The following LAMA2 variants were observed in gnomAD, a reference collection of about 807,000 sequenced individuals.
LAMA2 encodes the protein laminin subunit alpha-2.
LAMA2 carries 269 observed loss-of-function variants against 364.8 expected under a neutral mutation model. The ratio of observed to expected loss-of-function variants is 0.74; its 90% CI spans 0.67 to 0.82. The LOEUF is 0.82. Ranked by LOEUF, LAMA2 falls within the 40% of genes least tolerant of loss-of-function variation. The pLI, the probability that LAMA2 is intolerant of heterozygous loss-of-function variation, is 0.00. For synonymous variants in LAMA2, 1,379 were observed against 1,370.6 expected, an observed-to-expected ratio of 1.01 and a Z score of -0.14; for missense variants, 3,807 against 3,873.2, an observed-to-expected ratio of 0.98 and a Z score of 0.45.
At chr6:129,238,421 C>T (rs867507131) in intron 12 of LAMA2, among the ~76,000 whole-genome samples, 9 of 152,098 alleles carry the variant, frequency 5.9e-5, no homozygotes, top group Non-Finnish European at 8.8e-5. Flanking sequence ...CATAACATAA[C>T]GTATAATTCA....
intron 32 of LAMA2, among the ~76,000 whole-genome samples, chr6:129,354,128 A>T (rs898446218): frequency 2.6e-5 from 4 of 152,160 alleles, no homozygotes; most frequent in African/African-American, 4.8e-5. Flanking sequence ...ACATTTACCT[A>T]TTGTAATAGT....
intron 50 of LAMA2, among the ~76,000 whole-genome samples, chr6:129,464,672 A>G (rs1004807814): frequency 3.9e-5 from 6 of 151,976 alleles, no homozygotes; most frequent in Non-Finnish European, 7.4e-5. Context: ...TTTATTTTCA[A>G]TACAACTCCC....
chr6:128,938,423 T>C (rs1468631596), intron 1 of LAMA2, among the ~76,000 whole-genome samples: 1 of 152,194 alleles, frequency 6.6e-6, no homozygotes. Flanking sequence ...CACAACCTTA[T>C]AAAAAAGTTT....
intron 1 of LAMA2, among the ~76,000 whole-genome samples, chr6:128,930,893 G>A (rs1254519412): frequency 1.3e-5 from 2 of 152,120 alleles, no homozygotes; most frequent in Admixed American, 1.3e-4. Context: ...TTCCCTACGT[G>A]TACACACACA....
intron 52 of LAMA2, 84 bp downstream of exon 52, chr6:129,473,436 A>C (rs1783914479): frequency 7.6e-7 from 1 of 1,320,092 alleles, no homozygotes; most frequent in African/African-American, 1.5e-5. Context: ...GTTTAATTAC[A>C]ATAAGAATGT....
At chr6:129,041,596 A>G (rs1448929411) in intron 1 of LAMA2, among the ~76,000 whole-genome samples, 2 of 152,224 alleles carry the variant, frequency 1.3e-5, no homozygotes, top group African/African-American at 2.4e-5. Flanking sequence ...TAAATCTTAC[A>G]TATGTGTCAT....
At chr6:129,317,287 G>A (rs1378317462) in intron 27 of LAMA2, among the ~76,000 whole-genome samples, 1 of 152,126 alleles carries the variant, frequency 6.6e-6, no homozygotes, top group Non-Finnish European at 1.5e-5. Flanking sequence ...ATCGATATAT[G>A]TTTGTAAATA....
At position 129,441,023 on chromosome 6, in the gene LAMA2, T is replaced by C. The variant is rs758602244; in HGVS notation, c.6268+25T>C. 4.4e-6 allele frequency: 7 copies of C among 1,590,346 alleles called. No homozygotes were observed. In the Admixed American group the frequency reaches 1.2e-4, roughly 27 times the overall value. ...AGTAAGATCTCCTTTTTCATTGTGA[T>C]GATGTCATTTATTTCCTCTCACTGT... On this transcript the variant is annotated intron_variant, in intron 43 of 64. Coordinates refer to ENST00000421865, the MANE Select transcript of LAMA2 (RefSeq NM_000426.4).
chr6:129,328,077 A>G (rs974525051), intron 28 of LAMA2, among the ~76,000 whole-genome samples: 68 of 152,232 alleles, frequency 4.5e-4, no homozygotes, highest in Non-Finnish European at 6.3e-4. Context: ...ATCTGATTAC[A>G]CATGGATGCC....
intron 41 of LAMA2, among the ~76,000 whole-genome samples, chr6:129,433,820 AACACACCAGG>A (rs1247224930): frequency 6.6e-6 from 1 of 152,132 alleles, no homozygotes; most frequent in Non-Finnish European, 1.5e-5. Flanking sequence ...AAACTGGTAA[AACACACCAGG>A]ACAATTTTCA....
rs1583591350 is a variant in LAMA2, at chr6:129,369,947, A to G, written c.4916A>G (p.Asn1639Ser). ...AGGCTTATTCAGCTGGCAGAGGGCA[A>G]TCTGAATACACTCGTGACCGAAATG... is the stretch of plus-strand genomic sequence containing the variant. Reference protein sequence around the residue: ...PERLIQLAEGNLNTLVTEMNE... With the variant: ...PERLIQLAEGSLNTLVTEMNE... The change falls in exon 34 of 65, where the codon AAT becomes AGT. Residue 1639 changes from asparagine (N) to serine (S), a missense_variant. Physicochemically the swap from Asn to Ser is conservative, Grantham distance 46. Transcript: ENST00000421865. 6.2e-7 allele frequency: 1 copy of G among 1,614,124 alleles called. No individual in the cohort carries two copies. Among genetic ancestry groups the G allele is most frequent in the East Asian group, 2.2e-5 (1 of 44,872 alleles).
chr6:128,962,324 G>C (rs1781587057), intron 1 of LAMA2, among the ~76,000 whole-genome samples: 1 of 151,292 alleles, frequency 6.6e-6, no homozygotes, highest in South Asian at 2.1e-4. Flanking sequence ...TCAATGTGAA[G>C]AACAAACAGA....
chr6:128,990,951 T>C (rs543108591), intron 1 of LAMA2, among the ~76,000 whole-genome samples: 22 of 152,180 alleles, frequency 1.4e-4, no homozygotes, highest in Non-Finnish European at 2.5e-4. Flanking sequence ...AATACAGGTA[T>C]TTTAATTTTT....
At chr6:129,115,143 C>G (rs79632739) in intron 4 of LAMA2, among the ~76,000 whole-genome samples, 2,155 of 152,060 alleles carry the variant, frequency 0.014, 19 homozygotes, top group Non-Finnish European at 0.021. Context: ...TACAGAGACA[C>G]CAGAATGTTG....
At chr6:129,182,338 G>C (rs1979404) in intron 10 of LAMA2, among the ~76,000 whole-genome samples, 40,010 of 151,040 alleles carry the variant, frequency 0.26, 6,923 homozygotes, top group African/African-American at 0.5. Flanking sequence ...GTATTATCTA[G>C]TATCTTTGAA....
chr6:128,884,444 A>T (rs1776033797), intron 1 of LAMA2, among the ~76,000 whole-genome samples: 1 of 152,196 alleles, frequency 6.6e-6, no homozygotes, highest in African/African-American at 2.4e-5. Flanking sequence ...TTTGAAGTAT[A>T]CTTATCCTTC....
chr6:129,359,294 A>T (rs1389583043), intron 32 of LAMA2, among the ~76,000 whole-genome samples: 1 of 148,302 alleles, frequency 6.7e-6, no homozygotes, highest in African/African-American at 2.4e-5. Context: ...ATAAAAATAT[A>T]TAAAATATAT....
At chr6:129,370,659 G>A (rs1267110726) in intron 34 of LAMA2, among the ~76,000 whole-genome samples, 1 of 152,188 alleles carries the variant, frequency 6.6e-6, no homozygotes. Context: ...GATTTAATTT[G>A]ATTATCTAAG....
intron 4 of LAMA2, among the ~76,000 whole-genome samples, chr6:129,110,696 G>C (rs558901411): frequency 7.9e-5 from 12 of 152,070 alleles, no homozygotes; most frequent in Non-Finnish European, 1.6e-4. Context: ...GTCACACTGT[G>C]GTAAATGTTC....
Sources: gnomAD v4.1 joint callset for allele counts (sites outside exome capture counted in the v4.1 genomes callset) on GRCh38, gnomAD v4.1.1 for gene constraint, MANE v1.5 for transcripts, NCBI Gene and HGNC (gene_info 2026-07-23, HGNC 2026-07-21) for gene names.